The following DNAH8 variants were observed in gnomAD, a reference collection of about 807,000 sequenced individuals.
DNAH8 encodes dynein axonemal heavy chain 8.
In DNAH8, 382 loss-of-function variants were observed where a neutral mutation model predicts 562.1. The ratio of observed to expected loss-of-function variants is 0.68; its 90% CI spans 0.63 to 0.74. DNAH8 has a LOEUF of 0.74. Among genes scored for constraint, DNAH8 ranks in the 30% least tolerant of loss-of-function variants. The pLI, the probability that DNAH8 is intolerant of heterozygous loss-of-function variation, is 0.00. For missense variants in DNAH8, 5,203 were observed against 5,620.4 expected, an observed-to-expected ratio of 0.93 and a Z score of 2.37; for synonymous variants, 1,881 against 1,919.4, an observed-to-expected ratio of 0.98 and a Z score of 0.52.
intron 1 of DNAH8, 124 bp from the exon 2 acceptor site, chr6:38,722,652 C>G: frequency 1.3e-6 from 1 of 774,082 alleles, no homozygotes; most frequent in Non-Finnish European, 2.0e-6. Context: ...AACTAAGCTT[C>G]CTTAGATAAT....
chr6:38,969,717 G>T (rs1331929506), intron 82 of DNAH8, among the ~76,000 whole-genome samples: 3 of 145,712 alleles, frequency 2.1e-5, no homozygotes, highest in Non-Finnish European at 3.0e-5. Context: ...GTGGGGGGGA[G>T]TGGGGGGTGG....
chr6:38,769,548 T>G (rs1035550993), intron 11 of DNAH8, among the ~76,000 whole-genome samples: 4 of 152,198 alleles, frequency 2.6e-5, no homozygotes, highest in Non-Finnish European at 5.9e-5. Flanking sequence ...GATTTCTAAG[T>G]CCCACTTGCA....
At chr6:38,936,607 T>C (rs528720786) in intron 77 of DNAH8, among the ~76,000 whole-genome samples, 9 of 152,292 alleles carry the variant, frequency 5.9e-5, no homozygotes, top group Non-Finnish European at 1.3e-4. Context: ...AAAGTCCTTT[T>C]ATCTGCCTAC....
At position 38,852,564 on chromosome 6, in the gene DNAH8, C is replaced by T. The variant is rs1411481440; in HGVS notation, c.5467-130C>T. 6.4e-6 allele frequency: 4 copies of T among 625,074 alleles called. No homozygotes were observed. The African/African-American group carries it at 7.5e-5, about 12-fold the overall frequency. The allele number at this position is 625,074 out of a possible 1,614,324, so 38.7% of individuals were successfully genotyped here. On this transcript the variant is annotated intron_variant, in intron 39 of 92. Coordinates refer to ENST00000327475, the MANE Select transcript of DNAH8 (RefSeq NM_001206927.2). ...CCAGTTAAGGGTCAAAGCAGAGTCTCTCTCTATTTTTTGAGACAATAAAGT... is the reference window on the plus strand; with the variant it reads ...CCAGTTAAGGGTCAAAGCAGAGTCTTTCTCTATTTTTTGAGACAATAAAGT...
At chr6:38,896,870 T>G (rs558208689) in intron 60 of DNAH8, among the ~76,000 whole-genome samples, 134 of 152,256 alleles carry the variant, frequency 8.8e-4, no homozygotes, top group Non-Finnish European at 1.5e-3. Context: ...CACTGCAACC[T>G]CCGCCTCCCA....
chr6:38,977,270 G>A (rs574786055), intron 85 of DNAH8, among the ~76,000 whole-genome samples: 6 of 152,258 alleles, frequency 3.9e-5, no homozygotes, highest in South Asian at 2.1e-4. Flanking sequence ...ACGAGGCAAC[G>A]CCGCACTAAG....
intron 57 of DNAH8, among the ~76,000 whole-genome samples, chr6:38,887,440 C>T (rs17632688): frequency 0.16 from 23,961 of 152,030 alleles, 2,278 homozygotes; most frequent in Non-Finnish European, 0.21. Flanking sequence ...TGTAGGTCAG[C>T]CCATGCCTAT....
chr6:39,029,988 T>C, intron 92 of DNAH8, 117 bp from the exon 93 acceptor site: 1 of 779,390 alleles, frequency 1.3e-6, no homozygotes, highest in Non-Finnish European at 2.1e-6. Context: ...CTTTCTCCCT[T>C]TGGTAGTGTT....
intron 7 of DNAH8, among the ~76,000 whole-genome samples, chr6:38,740,793 T>C (rs147145457): frequency 6.6e-6 from 1 of 152,220 alleles, no homozygotes; most frequent in Non-Finnish European, 1.5e-5. Context: ...TTAAAAAATT[T>C]CTGTGGAGAA....
intron 62 of DNAH8, among the ~76,000 whole-genome samples, chr6:38,900,201 C>G (rs564227098): frequency 6.6e-6 from 1 of 152,138 alleles, no homozygotes; most frequent in African/African-American, 2.4e-5. Context: ...ATTAGTTTTG[C>G]CCAGTTTTGA....
chr6:38,873,362 A>C lies in DNAH8; in HGVS notation c.7606A>C (p.Asn2536His), dbSNP rs2150436129. The change falls in exon 52 of 93, where the codon AAC (asparagine) becomes CAC (histidine). Residue 2536 changes from asparagine (N) to histidine (H), a missense_variant. Transcript: ENST00000327475. ...LNPKMQLLEC[N>H]YIVQSLNLLE... is the part of the protein sequence containing the mutation. Reference sequence around the variant, plus strand: ...TCCCAAAATGCAGCTCTTGGAGTGCAACTATATTGTGCAAGTAAGATTTTT... The same window carrying C: ...TCCCAAAATGCAGCTCTTGGAGTGCCACTATATTGTGCAAGTAAGATTTTT... 1 of 1,596,862 alleles carries C rather than the reference A, an allele frequency of 6.3e-7. No homozygotes were observed. The highest frequency in any genetic ancestry group is 1.8e-5 in the Admixed American group (1 of 54,318).
chr6:38,722,426 T>A (rs1162377869), intron 1 of DNAH8, among the ~76,000 whole-genome samples: 3 of 150,728 alleles, frequency 2.0e-5, no homozygotes, highest in African/African-American at 7.3e-5. Context: ...GCTCTCATCT[T>A]TTTTTTTTAG....
intron 65 of DNAH8, among the ~76,000 whole-genome samples, chr6:38,910,019 ATT>A (rs1780766164): frequency 6.6e-6 from 1 of 152,184 alleles, no homozygotes; most frequent in African/African-American, 2.4e-5. Flanking sequence ...CATCTGCTTA[ATT>A]TTGTTTTGAA....
chr6:38,907,717 T>C (rs760125273), intron 63 of DNAH8, among the ~76,000 whole-genome samples: 1 of 152,224 alleles, frequency 6.6e-6, no homozygotes, highest in Non-Finnish European at 1.5e-5. Context: ...GTGGTGGAGA[T>C]AGCTTTTTGG....
At chr6:38,773,187 A>G (rs953807738) in intron 12 of DNAH8, among the ~76,000 whole-genome samples, 1 of 151,970 alleles carries the variant, frequency 6.6e-6, no homozygotes. Context: ...AATAGGTCTC[A>G]TTGGTCAGGA....
intron 70 of DNAH8, among the ~76,000 whole-genome samples, chr6:38,919,726 T>C (rs1307595285): frequency 6.6e-6 from 1 of 152,150 alleles, no homozygotes; most frequent in Non-Finnish European, 1.5e-5. Context: ...CTGGAAACTT[T>C]ACATTAAAAT....
chr6:38,908,255 C>A, intron 64 of DNAH8, 135 bp downstream of exon 64: 1 of 499,206 alleles, frequency 2.0e-6, no homozygotes, highest in Non-Finnish European at 3.3e-6. Flanking sequence ...ACTTTTGTAC[C>A]ACACAATCTC....
At chr6:38,844,867 G>T (rs1420027007) in intron 35 of DNAH8, among the ~76,000 whole-genome samples, 1 of 152,132 alleles carries the variant, frequency 6.6e-6, no homozygotes, top group East Asian at 1.9e-4. Context: ...CCTCAGCACA[G>T]ACCTCCCTCC....
chr6:38,782,865 A>G (rs1015857744), intron 16 of DNAH8, 139 bp from the exon 17 acceptor site: 2 of 718,356 alleles, frequency 2.8e-6, no homozygotes, highest in East Asian at 2.8e-5. Context: ...GGCCTTCCCC[A>G]TCTCTGTTTT....
Sources: gnomAD v4.1 joint callset for allele counts (sites outside exome capture counted in the v4.1 genomes callset) on GRCh38, gnomAD v4.1.1 for gene constraint, MANE v1.5 for transcripts, NCBI Gene and HGNC (gene_info 2026-07-23, HGNC 2026-07-21) for gene names.